The following PLEKHG1 variants were observed in gnomAD, a reference collection of about 807,000 sequenced individuals.
PLEKHG1 encodes pleckstrin homology and RhoGEF domain containing G1.
PLEKHG1 carries 44 observed loss-of-function variants against 100.8 expected under a neutral mutation model. The observed-to-expected ratio is 0.44, with a 90% CI of 0.34 to 0.56. PLEKHG1 has a LOEUF of 0.56. Among genes scored for constraint, PLEKHG1 ranks in the 20% least tolerant of loss-of-function variants. PLEKHG1 has a pLI of 0.01. For synonymous variants in PLEKHG1, 640 were observed against 662.5 expected, an observed-to-expected ratio of 0.97 and a Z score of 0.52; for missense variants, 1,545 against 1,720.9, an observed-to-expected ratio of 0.90 and a Z score of 1.81.
chr6:150,754,407 C>A (rs1783700855), intron 2 of PLEKHG1, among the ~76,000 whole-genome samples: 1 of 152,032 alleles, frequency 6.6e-6, no homozygotes, highest in Non-Finnish European at 1.5e-5. Flanking sequence ...GGCATGACAT[C>A]AAATTTGCGT....
chr6:150,744,205 G>C (rs922497088), intron 2 of PLEKHG1, among the ~76,000 whole-genome samples: 2 of 152,170 alleles, frequency 1.3e-5, no homozygotes, highest in Non-Finnish European at 2.9e-5. Flanking sequence ...CTCCCAAGTA[G>C]CTGGGACTAC....
chr6:150,683,442 C>T lies in PLEKHG1; in HGVS notation c.-99+32656C>T, dbSNP rs545951209. On this transcript the variant is annotated intron_variant, in intron 3 of 3. Transcript: ENST00000367326. The surrounding 1 kb of genome is among the most constrained non-coding windows in gnomAD (Gnocchi z 4.0). ...CATGGGCTCACTGTTGAGCTGCTTC[C>T]CTTTGCATCTCGGGGGAAGGTGTGG... Among the ~76,000 whole-genome samples the T allele has an allele frequency of 1.5e-4, 23 of 152,010 alleles. No homozygotes were observed. The East Asian group carries it at 4.3e-3, about 28-fold the overall frequency.
chr6:150,670,398 C>G (rs12660702), intron 3 of PLEKHG1, among the ~76,000 whole-genome samples: 1 of 152,174 alleles, frequency 6.6e-6, no homozygotes, highest in South Asian at 2.1e-4. Context: ...AAGAGTAAAC[C>G]TAAGAACAAG....
At chr6:150,840,002 C>G (rs772138989) in exon 16 of PLEKHG1, 1 of 1,614,142 alleles carries the variant, frequency 6.2e-7, no homozygotes, top group Admixed American at 1.7e-5. Flanking sequence ...TGCATTCAAC[C>G]TATAGTAATG....
At chr6:150,768,832 A>G (rs1228444610) in intron 3 of PLEKHG1, 94 bp downstream of exon 4, 1 of 714,302 alleles carries the variant, frequency 1.4e-6, no homozygotes, top group African/African-American at 1.8e-5. Flanking sequence ...GTAACCCCTG[A>G]CTCAGCTTCA....
chr6:150,665,294 G>GA (rs1779352544), intron 3 of PLEKHG1, among the ~76,000 whole-genome samples: 1 of 152,092 alleles, frequency 6.6e-6, no homozygotes, highest in Non-Finnish European at 1.5e-5. Flanking sequence ...TAATATAATA[G>GA]AAAAAATAGA....
At chr6:150,612,050 C>CG (rs200471720) in intron 1 of PLEKHG1, among the ~76,000 whole-genome samples, 5 of 78,060 alleles carry the variant, frequency 6.4e-5, no homozygotes, top group Admixed American at 1.2e-4. Flanking sequence ...GTTGTTCCCC[C>CG]CCCCCCCCCC....
intron 10 of PLEKHG1, among the ~76,000 whole-genome samples, chr6:150,815,655 CT>C (rs1449651106): frequency 6.6e-6 from 1 of 152,186 alleles, no homozygotes; most frequent in Non-Finnish European, 1.5e-5. Flanking sequence ...CATTTGTTTT[CT>C]CTAAGGTGAC....
chr6:150,674,628 CCTCCCTCTCTCTCTCTCTCT>C (rs1431358576), intron 3 of PLEKHG1, among the ~76,000 whole-genome samples: 8 of 51,898 alleles, frequency 1.5e-4, no homozygotes, highest in East Asian at 6.1e-4. Flanking sequence ...TTCTCTCTCT[CCTCCCTCTCTCTCTCTCTCT>C]CTCTCTCTCT....
chr6:150,839,725 C>G (rs867612654), intron 15 of PLEKHG1, 108 bp from the exon 17 acceptor site: 4 of 702,308 alleles, frequency 5.7e-6, no homozygotes, highest in Non-Finnish European at 9.8e-6. Context: ...GTCTTGTCTA[C>G]TGTCAAAATT....
chr6:150,719,775 A>G (rs185845636), upstream of PLEKHG1, among the ~76,000 whole-genome samples: 4 of 152,358 alleles, frequency 2.6e-5, no homozygotes, highest in African/African-American at 9.6e-5. Flanking sequence ...TCCACAGCCC[A>G]GGGAGGACCC....
At chr6:150,721,559 G>A (rs766862054) in intron 1 of PLEKHG1, among the ~76,000 whole-genome samples, 1 of 152,120 alleles carries the variant, frequency 6.6e-6, no homozygotes, top group Non-Finnish European at 1.5e-5. Flanking sequence ...GTCACGCGCC[G>A]AATGCCCAAC....
At position 150,800,689 on chromosome 6, in the gene PLEKHG1, T is replaced by A. The variant is rs371063812; in HGVS notation, c.630-30T>A. The A allele has an allele frequency of 1.2e-5, 19 of 1,605,468 alleles. No individual in the cohort carries two copies. In the African/African-American group the frequency reaches 2.3e-4, roughly 19 times the overall value. ...TGAATACCCACATAAAGCATTACAA[T>A]TTAGATAAAAACATGGACTCTTCCT... On this transcript the variant is annotated intron_variant, in intron 5 of 15. Transcript: ENST00000358517.
intron 1 of PLEKHG1, among the ~76,000 whole-genome samples, chr6:150,615,026 T>C (rs1158112856): frequency 6.6e-6 from 1 of 152,236 alleles, no homozygotes; most frequent in African/African-American, 2.4e-5. Flanking sequence ...TTTAGATTCA[T>C]ATCCAGGTGA....
At chr6:150,796,249 A>T (rs1403264479) in intron 5 of PLEKHG1, among the ~76,000 whole-genome samples, 13 of 152,248 alleles carry the variant, frequency 8.5e-5, no homozygotes, top group African/African-American at 2.7e-4. Context: ...TTAAGAATTT[A>T]GGAAACACTG....
At chr6:150,677,886 TAAAC>T (rs1037982154) in intron 3 of PLEKHG1, among the ~76,000 whole-genome samples, 109 of 151,252 alleles carry the variant, frequency 7.2e-4, no homozygotes, top group African/African-American at 2.4e-3. Context: ...CCAAAATAAA[TAAAC>T]AAATAAATAA....
At chr6:150,807,934 A>G (rs1787238059) in intron 7 of PLEKHG1, among the ~76,000 whole-genome samples, 1 of 152,146 alleles carries the variant, frequency 6.6e-6, no homozygotes, top group Non-Finnish European at 1.5e-5. Flanking sequence ...GTGCCACTGC[A>G]CTCCAGCCTG....
chr6:150,804,587 A>C (rs777554559), intron 6 of PLEKHG1, 23 bp from the exon 8 acceptor site: 32 of 1,458,850 alleles, frequency 2.2e-5, no homozygotes, highest in South Asian at 6.5e-5. Context: ...AAAAAAAAAA[A>C]CCCTCGTTCT....
At chr6:150,815,267 A>G (rs1321213954) in intron 10 of PLEKHG1, among the ~76,000 whole-genome samples, 1 of 152,212 alleles carries the variant, frequency 6.6e-6, no homozygotes, top group Non-Finnish European at 1.5e-5. Context: ...CATTAGTTAC[A>G]GCCTCCCAGC....
Sources: allele counts gnomAD v4.1 joint callset (sites outside exome capture counted in the v4.1 genomes callset), GRCh38; gene constraint gnomAD v4.1.1; non-coding constraint Gnocchi (gnomAD v3.1); transcripts MANE v1.5; gene names NCBI Gene and HGNC (gene_info 2026-07-23, HGNC 2026-07-21).